The following EAF1 variants were observed in gnomAD, a reference collection of about 807,000 sequenced individuals.
The protein encoded by EAF1 is ELL-associated factor 1.
In EAF1, 19 loss-of-function variants were observed where a neutral mutation model predicts 26.6. That is an observed-to-expected ratio of 0.71 (90% CI 0.50 to 1.05). The LOEUF is 1.05. EAF1 is among the 50% of genes least tolerant of loss of function. EAF1 has a pLI of 0.00. For missense variants in EAF1, 260 were observed against 335.5 expected, an observed-to-expected ratio of 0.78 and a Z score of 1.76; for synonymous variants, 102 against 120.6, an observed-to-expected ratio of 0.85 and a Z score of 1.01.
rs9836342 is a variant in EAF1, at chr3:15,433,887, A to G, written c.336-461A>G. Among the ~76,000 whole-genome samples, 304 of 152,342 alleles carry G rather than the reference A, an allele frequency of 2.0e-3. 1 individual carries two copies. The highest frequency in any genetic ancestry group is 5.6e-3 in the African/African-American group (232 of 41,572). ...AAGTAGGGGGAATGACTGATATTCA[A>G]TTATGGTGGTGGGACATTTGGGTTT... On this transcript the variant is annotated intron_variant, in intron 3 of 5. Coordinates refer to ENST00000396842, the MANE Select transcript of EAF1 (RefSeq NM_033083.7).
At chr3:15,432,905 T>G (rs2061810601) in intron 3 of EAF1, among the ~76,000 whole-genome samples, 1 of 152,020 alleles carries the variant, frequency 6.6e-6, no homozygotes. Flanking sequence ...GTAATTAAAT[T>G]GTAAAGATTG....
rs1041657478 is a variant in EAF1, at chr3:15,441,115, G to T, written c.*1960G>T. 2.0e-5 allele frequency: 3 copies of T among 152,798 alleles called. No individual in the cohort carries two copies. The highest frequency in any genetic ancestry group is 4.4e-5 in the Non-Finnish European group (3 of 68,060). The allele number at this position is 152,798 out of a possible 1,614,324, so 9.5% of individuals were successfully genotyped here. The stretch of plus-strand genomic sequence containing the variant: ...TGCTTGCACGTGGCACTGGCTTGGT[G>T]AGTCAAGCTTCCTGAGCTTCAGACC... On this transcript the variant is annotated 3_prime_UTR_variant, in exon 6 of 6. Coordinates refer to ENST00000396842, the MANE Select transcript of EAF1 (RefSeq NM_033083.7).
At position 15,440,226 on chromosome 3, in the gene EAF1, G is replaced by A. The variant is rs563065870; in HGVS notation, c.*1071G>A. ...AAATGAGCACATTCTTTGATAAGGC[G>A]TATCTATTCATGCTTTTGTACCACT... On this transcript the variant is annotated 3_prime_UTR_variant, in exon 6 of 6. Coordinates refer to ENST00000396842, the MANE Select transcript of EAF1 (RefSeq NM_033083.7). 5.9e-5 allele frequency: 9 copies of A among 152,276 alleles called. No homozygotes were observed. In the East Asian group the frequency reaches 1.2e-3, roughly 20 times the overall value. The allele number at this position is 152,276 out of a possible 1,614,324, so 9.4% of individuals were successfully genotyped here. A position where few individuals can be genotyped will look rare whatever the true frequency, so the allele number is the denominator to read the frequency against.
chr3:15,434,630 G>T, intron 4 of EAF1, 92 bp downstream of exon 4: 1 of 1,432,152 alleles, frequency 7.0e-7, no homozygotes, highest in Non-Finnish European at 9.6e-7. Flanking sequence ...TTGATACAGT[G>T]GCTGGGGCAT....
At chr3:15,429,190 C>T (rs2061783315) in intron 1 of EAF1, among the ~76,000 whole-genome samples, 1 of 152,116 alleles carries the variant, frequency 6.6e-6, no homozygotes, top group South Asian at 2.1e-4. Flanking sequence ...TGAACATCTA[C>T]GAAGTGTCTT....
In EAF1 at chr3:15,442,551, T is replaced by C. The variant is rs1205175903; in HGVS notation, c.*3396T>C. The C allele has an allele frequency of 1.3e-5, 2 of 152,658 alleles. No individual in the cohort carries two copies. The highest frequency in any genetic ancestry group is 2.4e-5 in the African/African-American group (1 of 41,460). The allele number at this position is 152,658 out of a possible 1,614,324, so 9.5% of individuals were successfully genotyped here. On this transcript the variant is annotated 3_prime_UTR_variant, in exon 6 of 6. Coordinates refer to ENST00000396842, the MANE Select transcript of EAF1 (RefSeq NM_033083.7). ...TATGTAAAATATTTGCTGTGTAAAG[T>C]ATTTTTTGTTTATTCTCTTAAAAGA...
At chr3:15,435,219 C>T (rs576105323) in intron 4 of EAF1, among the ~76,000 whole-genome samples, 1 of 152,282 alleles carries the variant, frequency 6.6e-6, no homozygotes, top group East Asian at 1.9e-4. Flanking sequence ...AGTTAAAGGT[C>T]CAGTTTGGTT....
chr3:15,429,154 C>G (rs1024979843), intron 1 of EAF1, among the ~76,000 whole-genome samples: 7 of 152,128 alleles, frequency 4.6e-5, no homozygotes, highest in Admixed American at 3.9e-4. Context: ...GGATAACTTG[C>G]GGAGATACAG....
At position 15,442,604 on chromosome 3, in the gene EAF1, C is replaced by G. The variant is rs544990477; in HGVS notation, c.*3449C>G. ...ACTATATTTAAATAAAAGTGAAGGT[C>G]AGCAACACATTTCTTGTCTTGGTGG... On this transcript the variant is annotated 3_prime_UTR_variant, in exon 6 of 6. Transcript: ENST00000396842. 7.9e-5 allele frequency: 12 copies of G among 152,446 alleles called. No homozygotes were observed. The South Asian group carries it at 1.3e-3, about 16-fold the overall frequency. The allele number at this position is 152,446 out of a possible 1,614,324, so 9.4% of individuals were successfully genotyped here. A position where few individuals can be genotyped will look rare whatever the true frequency, so the allele number is the denominator to read the frequency against.
Position 15,440,937 on chromosome 3 carries a change from A to G in EAF1, c.*1782A>G, listed in dbSNP as rs1575454837. The G allele has an allele frequency of 6.6e-6, 1 of 152,640 alleles. No homozygotes were observed. Among genetic ancestry groups the G allele is most frequent in the East Asian group, 1.9e-4 (1 of 5,202 alleles). 9.5% of individuals were successfully genotyped at this position (152,640 alleles called of 1,614,324 possible). On this transcript the variant is annotated 3_prime_UTR_variant, in exon 6 of 6. Transcript: ENST00000396842. Reference sequence around the variant, plus strand: ...TTGTTTCACTGCTCTTAACTTGCTCAAACTGGGGCAGGTTCCAGGAACTTG... The same window carrying G: ...TTGTTTCACTGCTCTTAACTTGCTCGAACTGGGGCAGGTTCCAGGAACTTG...
rs1020549043 is a variant in EAF1, at chr3:15,440,801, A to G, written c.*1646A>G. On this transcript the variant is annotated 3_prime_UTR_variant, in exon 6 of 6. Transcript: ENST00000396842. ...TTGGTGGATTTAATGGCAGGTAGGA[A>G]CTTATTTATAGTGGATTGATAATTG... 6.6e-6 allele frequency: 1 copy of G among 152,584 alleles called. No homozygotes were observed. Among genetic ancestry groups the G allele is most frequent in the African/African-American group, 2.4e-5 (1 of 41,420 alleles). 9.5% of individuals were successfully genotyped at this position (152,584 alleles called of 1,614,324 possible).
rs932814638 is a variant in EAF1 at position 15,439,262 on chromosome 3, G to A, written c.*107G>A. The stretch of plus-strand genomic sequence containing the variant: ...AGGAAAATGTTATGGATCAGTGACT[G>A]TAGTAGGAGTTTGAGGCTCTGGAAC... On this transcript the variant is annotated 3_prime_UTR_variant, in exon 6 of 6. Transcript: ENST00000396842. 2.7e-6 allele frequency: 3 copies of A among 1,092,284 alleles called. No homozygotes were observed. Among genetic ancestry groups the A allele is most frequent in the Admixed American group, 2.3e-5 (1 of 43,432 alleles). The allele number at this position is 1,092,284 out of a possible 1,614,324, so 67.7% of individuals were successfully genotyped here. A position where few individuals can be genotyped will look rare whatever the true frequency, so the allele number is the denominator to read the frequency against.
At chr3:15,438,794 G>T in intron 5 of EAF1, 1 of 195,784 alleles carries the variant, frequency 5.1e-6, no homozygotes, top group Non-Finnish European at 1.1e-5. Flanking sequence ...CAAAGTGTTG[G>T]GATTACAGGC....
intron 2 of EAF1, among the ~76,000 whole-genome samples, chr3:15,431,301 C>G (rs2061800376): frequency 6.6e-6 from 1 of 152,292 alleles, no homozygotes; most frequent in South Asian, 2.1e-4. Context: ...AGCAGTTATT[C>G]TACAAAATCA....
chr3:15,436,516 C>T lies in EAF1; in HGVS notation c.701C>T (p.Pro234Leu), dbSNP rs757663336. The change falls in exon 5 of 6, where the codon CCT (proline) becomes CTT (leucine). Residue 234 changes from proline (P) to leucine (L), a missense_variant. Coordinates refer to ENST00000396842, the MANE Select transcript of EAF1 (RefSeq NM_033083.7). Reference sequence around the variant, plus strand: ...CACCAGCAGCCCTACAACAGTAGGCCTGCCGTTGCCAATGGAACCAGCCGG... The same window carrying T: ...CACCAGCAGCCCTACAACAGTAGGCTTGCCGTTGCCAATGGAACCAGCCGG... Reference protein sequence around the residue: ...PSHQQPYNSRPAVANGTSRPQ... With the variant: ...PSHQQPYNSRLAVANGTSRPQ... 2 of 1,596,072 alleles carry T rather than the reference C, an allele frequency of 1.3e-6. No individual in the cohort carries two copies. The highest frequency in any genetic ancestry group is 1.1e-5 in the South Asian group (1 of 90,730).
At chr3:15,434,262 A>T in intron 3 of EAF1, 86 bp from the exon 4 acceptor site, 1 of 1,487,832 alleles carries the variant, frequency 6.7e-7, no homozygotes. Flanking sequence ...GGGGTTCTAC[A>T]GAGACTTCTG....
chr3:15,433,638 C>G (rs1255839308), intron 3 of EAF1, among the ~76,000 whole-genome samples: 1 of 152,174 alleles, frequency 6.6e-6, no homozygotes, highest in African/African-American at 2.4e-5. Context: ...CAAGAGCTGG[C>G]ATGTGATGAA....
At position 15,439,426 on chromosome 3, in the gene EAF1, A is replaced by G. The variant is rs2061853738; in HGVS notation, c.*271A>G. 8.8e-6 allele frequency: 3 copies of G among 341,634 alleles called. No individual in the cohort carries two copies. The highest frequency in any genetic ancestry group is 1.6e-5 in the Non-Finnish European group (3 of 189,276). The allele number at this position is 341,634 out of a possible 1,614,324, so 21.2% of individuals were successfully genotyped here. ...TATTTCTATTTAGTTAAAATTGTTAATGAAAAACAGATAAATGTGCCCTGG... is the reference window on the plus strand; with the variant it reads ...TATTTCTATTTAGTTAAAATTGTTAGTGAAAAACAGATAAATGTGCCCTGG... On this transcript the variant is annotated 3_prime_UTR_variant, in exon 6 of 6. Coordinates refer to ENST00000396842, the MANE Select transcript of EAF1 (RefSeq NM_033083.7).
intron 1 of EAF1, 28 bp from the exon 2 acceptor site, chr3:15,429,885 G>A (rs998345813): frequency 1.3e-6 from 2 of 1,490,508 alleles, no homozygotes; most frequent in Middle Eastern, 1.7e-4. Context: ...AACCTGGTGG[G>A]TAAGTGCTTT....
Sources: allele counts gnomAD v4.1 joint callset (sites outside exome capture counted in the v4.1 genomes callset), GRCh38; gene constraint gnomAD v4.1.1; transcripts MANE v1.5; gene names NCBI Gene and HGNC (gene_info 2026-07-23, HGNC 2026-07-21).